The following BAG2 variants were observed in gnomAD, a reference collection of about 807,000 sequenced individuals.
The protein encoded by BAG2 is BAG family molecular chaperone regulator 2.
In BAG2, 8 loss-of-function variants were observed where a neutral mutation model predicts 16.4. The ratio of observed to expected loss-of-function variants is 0.49; its 90% CI spans 0.29 to 0.88. The LOEUF (loss-of-function observed/expected upper bound fraction) is 0.88. BAG2 is among the 40% of genes least tolerant of loss of function. BAG2 has a pLI of 0.09. For missense variants in BAG2, 218 were observed against 248.9 expected, an observed-to-expected ratio of 0.88 and a Z score of 0.84; for synonymous variants, 82 against 89.2, an observed-to-expected ratio of 0.92 and a Z score of 0.46.
At chr6:57,181,928 T>A in intron 1 of BAG2, 104 bp from the exon 2 acceptor site, 2 of 944,554 alleles carry the variant, frequency 2.1e-6, no homozygotes, top group Admixed American at 2.4e-5. Flanking sequence ...TTTTGAAAAG[T>A]TTGGTGATCT....
rs552975568 is a variant in BAG2, at chr6:57,175,445, C to T, written c.113+2635C>T. Among the ~76,000 whole-genome samples the T allele has an allele frequency of 1.1e-4, 17 of 152,260 alleles. No individual in the cohort carries two copies. In the South Asian group the frequency reaches 2.9e-3, roughly 26 times the overall value. The stretch of plus-strand genomic sequence containing the variant: ...ATCTCTCTCTCTGACCTTCTTTCAC[C>T]TGCCTTACCTCTAGTCTGATTGTGG... On this transcript the variant is annotated intron_variant, in intron 1 of 2. Coordinates refer to ENST00000370693, the MANE Select transcript of BAG2 (RefSeq NM_004282.4).
At chr6:57,179,113 G>A (rs1024612408) in intron 1 of BAG2, among the ~76,000 whole-genome samples, 1 of 152,124 alleles carries the variant, frequency 6.6e-6, no homozygotes, top group African/African-American at 2.4e-5. Flanking sequence ...TGGAGTCATG[G>A]TTTGTGCTTT....
In BAG2 at chr6:57,183,847, T is replaced by G; in HGVS notation, c.293T>G (p.Val98Gly). 6.2e-7 allele frequency: 1 copy of G among 1,613,888 alleles called. No homozygotes were observed. Among genetic ancestry groups the G allele is most frequent in the Non-Finnish European group, 8.5e-7 (1 of 1,179,912 alleles). ...AGAACTCTCACCGTTGAAGTGTCAGTAGAAACAATTAGAAACCCCCAGCAG... is the reference window on the plus strand; with the variant it reads ...AGAACTCTCACCGTTGAAGTGTCAGGAGAAACAATTAGAAACCCCCAGCAG... ...MGRTLTVEVS[V>G]ETIRNPQQQE... The change falls in exon 3 of 3, where the codon GTA becomes GGA. Residue 98 changes from valine (V) to glycine (G), a missense_variant. This residue lies in a region of BAG2 where 113 missense variants were observed against 128.0 expected (regional missense o/e 0.88). Coordinates refer to ENST00000370693, the MANE Select transcript of BAG2 (RefSeq NM_004282.4).
In BAG2 at chr6:57,183,850, A is replaced by G; in HGVS notation, c.296A>G (p.Glu99Gly). The change falls in exon 3 of 3, where the codon GAA (glutamate) becomes GGA (glycine). Residue 99 changes from glutamate (E) to glycine (G), a missense_variant. By Grantham distance (98) the Glu-to-Gly change is moderately conservative. Coordinates refer to ENST00000370693, the MANE Select transcript of BAG2 (RefSeq NM_004282.4). Reference sequence around the variant, plus strand: ...ACTCTCACCGTTGAAGTGTCAGTAGAAACAATTAGAAACCCCCAGCAGCAA... The same window carrying G: ...ACTCTCACCGTTGAAGTGTCAGTAGGAACAATTAGAAACCCCCAGCAGCAA... ...GRTLTVEVSV[E>G]TIRNPQQQES... 1 of 1,613,954 alleles carries G rather than the reference A, an allele frequency of 6.2e-7. No homozygotes were observed. The highest frequency in any genetic ancestry group is 8.5e-7 in the Non-Finnish European group (1 of 1,179,942).
rs1764652533 is a variant in BAG2, at chr6:57,187,633, T to G, written c.*3443T>G. 2 of 152,174 alleles carry G rather than the reference T, an allele frequency of 1.3e-5. No individual in the cohort carries two copies. The highest frequency in any genetic ancestry group is 1.3e-4 in the Admixed American group (2 of 15,284). The allele number at this position is 152,174 out of a possible 1,614,324, so 9.4% of individuals were successfully genotyped here. A position where few individuals can be genotyped will look rare whatever the true frequency, so the allele number is the denominator to read the frequency against. Reference sequence around the variant, plus strand: ...GCTAATAATTAACAATATCTTATATTAAAAGGGTCCAACACTAAGTTGGGA... The same window carrying G: ...GCTAATAATTAACAATATCTTATATGAAAAGGGTCCAACACTAAGTTGGGA... On this transcript the variant is annotated 3_prime_UTR_variant, in exon 3 of 3. Transcript: ENST00000370693.
At position 57,188,553 on chromosome 6, in the gene BAG2, A is replaced by ATTAT. The variant is rs995352261; in HGVS notation, c.*4366_*4369dup. 3 of 152,276 alleles carry ATTAT rather than the reference A, an allele frequency of 2.0e-5. No homozygotes were observed. The highest frequency in any genetic ancestry group is 4.8e-5 in the African/African-American group (2 of 41,572). The allele number at this position is 152,276 out of a possible 1,614,324, so 9.4% of individuals were successfully genotyped here. On this transcript the variant is annotated 3_prime_UTR_variant, in exon 3 of 3. Transcript: ENST00000370693. The stretch of plus-strand genomic sequence containing the variant: ...GACAAAAGACTATTTGTTGCAAAGT[A>ATTAT]TTATTTTGTGCAAAAATTAAAGAGG...
chr6:57,181,349 A>G (rs1764434845), intron 1 of BAG2, among the ~76,000 whole-genome samples: 1 of 152,232 alleles, frequency 6.6e-6, no homozygotes, highest in African/African-American at 2.4e-5. Flanking sequence ...AAAATCAGGT[A>G]GGTATACACA....
At chr6:57,178,372 G>A (rs1234487566) in intron 1 of BAG2, among the ~76,000 whole-genome samples, 1 of 152,150 alleles carries the variant, frequency 6.6e-6, no homozygotes, top group Non-Finnish European at 1.5e-5. Flanking sequence ...AGAGATCTAG[G>A]TTCAGCTTTT....
At chr6:57,176,653 C>T (rs1203412564) in intron 1 of BAG2, among the ~76,000 whole-genome samples, 1 of 152,138 alleles carries the variant, frequency 6.6e-6, no homozygotes, top group Non-Finnish European at 1.5e-5. Flanking sequence ...TGTGGCTTAA[C>T]CTGCACCCAG....
intron 2 of BAG2, 22 bp from the exon 3 acceptor site, chr6:57,183,756 T>A (rs1431730336): frequency 6.5e-7 from 1 of 1,527,968 alleles, no homozygotes; most frequent in African/African-American, 1.4e-5. Context: ...CAGATAAGTT[T>A]ACATCTCATA....
In BAG2 at chr6:57,186,591, C is replaced by G. The variant is rs1217392896; in HGVS notation, c.*2401C>G. ...TTGGCCTCCCAAAGTACAGGGATTA[C>G]AGGCATGAGCCACCACGCTTGGCCA... On this transcript the variant is annotated 3_prime_UTR_variant, in exon 3 of 3. Coordinates refer to ENST00000370693, the MANE Select transcript of BAG2 (RefSeq NM_004282.4). 1 of 152,234 alleles carries G rather than the reference C, an allele frequency of 6.6e-6. No homozygotes were observed. Among genetic ancestry groups the G allele is most frequent in the African/African-American group, 2.4e-5 (1 of 41,466 alleles). 9.4% of individuals were successfully genotyped at this position (152,234 alleles called of 1,614,324 possible).
chr6:57,179,787 G>GAC (rs1403535835), intron 1 of BAG2, among the ~76,000 whole-genome samples: 1 of 152,024 alleles, frequency 6.6e-6, no homozygotes, highest in Non-Finnish European at 1.5e-5. Context: ...TCATGTGTGT[G>GAC]TATAGTGTGA....
intron 1 of BAG2, among the ~76,000 whole-genome samples, chr6:57,175,479 A>T (rs1764255110): frequency 6.6e-6 from 1 of 151,902 alleles, no homozygotes; most frequent in Non-Finnish European, 1.5e-5. Flanking sequence ...GGGTCAAAAG[A>T]CTCTCGTTCC....
chr6:57,189,069 AAAAT>A lies in BAG2; in HGVS notation c.*4883_*4886del, dbSNP rs1203357896. The A allele has an allele frequency of 1.3e-5, 2 of 152,224 alleles. No homozygotes were observed. Among genetic ancestry groups the A allele is most frequent in the African/African-American group, 4.8e-5 (2 of 41,468 alleles). The allele number at this position is 152,224 out of a possible 1,614,324, so 9.4% of individuals were successfully genotyped here. A position where few individuals can be genotyped will look rare whatever the true frequency, so the allele number is the denominator to read the frequency against. On this transcript the variant is annotated 3_prime_UTR_variant, in exon 3 of 3. Transcript: ENST00000370693. The stretch of plus-strand genomic sequence containing the variant: ...ATTGAAAGGGGTTATTTATAGGTTA[AAAAT>A]AAAGCCATTGATGAGTGATAATCAG...
chr6:57,174,254 G>T, intron 1 of BAG2: 1 of 1,260,392 alleles, frequency 7.9e-7, no homozygotes. Context: ...GAACGTTGAG[G>T]GCATGTTCTC....
At chr6:57,181,701 AAAAC>A (rs534618696) in intron 1 of BAG2, among the ~76,000 whole-genome samples, 2 of 152,234 alleles carry the variant, frequency 1.3e-5, no homozygotes, top group Admixed American at 6.5e-5. Flanking sequence ...TCAAAAACAA[AAAAC>A]AAACAAAAAT....
At chr6:57,176,295 T>G (rs1764283725) in intron 1 of BAG2, among the ~76,000 whole-genome samples, 1 of 152,162 alleles carries the variant, frequency 6.6e-6, no homozygotes, top group Non-Finnish European at 1.5e-5. Context: ...AACTCCAAAT[T>G]TGAACCCAGG....
intron 1 of BAG2, chr6:57,173,243 C>T: frequency 1.0e-6 from 1 of 986,230 alleles, no homozygotes; most frequent in East Asian, 1.1e-4. Context: ...TTAAGGGAGG[C>T]AGCAGTTTAC....
rs1465237662 is a variant in BAG2, at chr6:57,189,562, T to C, written c.*5372T>C. 6.6e-6 allele frequency: 1 copy of C among 152,380 alleles called. No individual in the cohort carries two copies. The highest frequency in any genetic ancestry group is 1.9e-4 in the East Asian group (1 of 5,192). The allele number at this position is 152,380 out of a possible 1,614,324, so 9.4% of individuals were successfully genotyped here. A position where few individuals can be genotyped will look rare whatever the true frequency, so the allele number is the denominator to read the frequency against. ...TTATGAGAGCAGGAGCTCACCATGC[T>C]TATGGGTGACTATATCAAAAAGATC... On this transcript the variant is annotated 3_prime_UTR_variant, in exon 3 of 3. Transcript: ENST00000370693.
Sources: gnomAD v4.1 joint callset for allele counts (sites outside exome capture counted in the v4.1 genomes callset) on GRCh38, gnomAD v4.1.1 for gene constraint, gnomAD v4.1.1 regional missense constraint, MANE v1.5 for transcripts, NCBI Gene and HGNC (gene_info 2026-07-23, HGNC 2026-07-21) for gene names.